Variants in IKZF2 observed in about 807,000 individuals in gnomAD.
The protein encoded by IKZF2 is zinc finger protein Helios.
A neutral mutation model predicts 49.2 loss-of-function variants in IKZF2; 15 were observed. The ratio of observed to expected loss-of-function variants is 0.30; its 90% CI spans 0.20 to 0.47. The LOEUF (loss-of-function observed/expected upper bound fraction) is 0.47. IKZF2 is among the 20% of genes least tolerant of loss of function. IKZF2 has a pLI of 1.00. For missense variants in IKZF2, 567 were observed against 664.6 expected (o/e 0.85, Z 1.61); for synonymous variants, 227 against 221.4 (o/e 1.03, Z -0.23).
In IKZF2 at chr2:213,004,876, C is replaced by A. The variant is rs1695195200; in HGVS notation, c.*2484G>T. On this transcript the variant is annotated 3_prime_UTR_variant, in exon 9 of 9. Coordinates refer to ENST00000434687, the MANE Select transcript of IKZF2 (RefSeq NM_001387220.1). ...CTAACTACCTTCAATAAAACAGATT[C>A]CCAAAAAGATGAAATCAGAAAAGGA... The A allele has an allele frequency of 6.6e-6, 1 of 152,258 alleles. No homozygotes were observed. Among genetic ancestry groups the A allele is most frequent in the Non-Finnish European group, 1.5e-5 (1 of 67,902 alleles). 9.4% of individuals were successfully genotyped at this position (152,258 alleles called of 1,614,324 possible).
intron 7 of IKZF2, among the ~76,000 whole-genome samples, chr2:213,017,230 G>A (rs538623019): frequency 8.6e-5 from 13 of 151,882 alleles, no homozygotes; most frequent in African/African-American, 2.4e-4. Context: ...GTACTTATCC[G>A]TATTGCCTTA....
At chr2:213,056,539 A>C in intron 5 of IKZF2, 2 of 495,414 alleles carry the variant, frequency 4.0e-6, no homozygotes, top group African/African-American at 1.9e-5. Context: ...CAAAAAGATT[A>C]AGTTACACAA....
At chr2:213,021,106 G>A (rs1697159031) in intron 7 of IKZF2, among the ~76,000 whole-genome samples, 1 of 152,090 alleles carries the variant, frequency 6.6e-6, no homozygotes, top group Admixed American at 6.6e-5. Flanking sequence ...CCAGTTACTT[G>A]GCAGGCTGAA....
At chr2:213,110,717 C>T (rs1164962733) in intron 4 of IKZF2, among the ~76,000 whole-genome samples, 2 of 151,914 alleles carry the variant, frequency 1.3e-5, no homozygotes, top group Non-Finnish European at 2.9e-5. Flanking sequence ...AGCATTTGTT[C>T]CAATTCACAT....
intron 6 of IKZF2, among the ~76,000 whole-genome samples, chr2:213,029,762 A>T (rs538496226): frequency 1.3e-5 from 2 of 152,206 alleles, no homozygotes; most frequent in South Asian, 4.1e-4. Flanking sequence ...AATCATTATT[A>T]AGTTGTTTGG....
At chr2:213,014,069 C>G (rs956668509) in intron 7 of IKZF2, 135 bp from the exon 8 acceptor site, 9 of 712,094 alleles carry the variant, frequency 1.3e-5, no homozygotes, top group Non-Finnish European at 1.9e-5. Context: ...AGAATACCCT[C>G]TAGTGTGAAA....
In IKZF2 at chr2:213,133,428, A is replaced by G. The variant is rs995516473; in HGVS notation, c.139+14280T>C. ...ACAGGAAAACTTGCTCAATTCTGTA[A>G]TTTTTAAAAACATGTTTACTGGCCA... On this transcript the variant is annotated intron_variant, in intron 4 of 8. Transcript: ENST00000434687. Among the ~76,000 whole-genome samples, 4 of 152,234 alleles carry G rather than the reference A, an allele frequency of 2.6e-5. No homozygotes were observed. The East Asian group carries it at 7.7e-4, about 29-fold the overall frequency.
intron 4 of IKZF2, among the ~76,000 whole-genome samples, chr2:213,127,733 CTCTT>C (rs2060314879): frequency 6.6e-6 from 1 of 152,176 alleles, no homozygotes. Context: ...TTTACATTTT[CTCTT>C]TAAGTCCTAT....
At chr2:213,070,454 G>A (rs1702576962) in intron 4 of IKZF2, among the ~76,000 whole-genome samples, 1 of 151,738 alleles carries the variant, frequency 6.6e-6, no homozygotes, top group African/African-American at 2.4e-5. Flanking sequence ...TGTGGACTTG[G>A]GAAGTCACTG....
intron 6 of IKZF2, among the ~76,000 whole-genome samples, chr2:213,023,177 A>T (rs540365803): frequency 6.6e-4 from 101 of 152,258 alleles, no homozygotes; most frequent in Middle Eastern, 3.4e-3. Context: ...CTCAGAGAAT[A>T]ACAGACAACT....
intron 4 of IKZF2, among the ~76,000 whole-genome samples, chr2:213,112,256 A>G (rs2059727171): frequency 6.6e-6 from 1 of 151,204 alleles, no homozygotes; most frequent in South Asian, 2.1e-4. Context: ...AACTTAGTAC[A>G]GATTTACTGA....
chr2:213,058,563 G>A (rs1701386343), intron 4 of IKZF2, among the ~76,000 whole-genome samples: 1 of 151,792 alleles, frequency 6.6e-6, no homozygotes, highest in African/African-American at 2.4e-5. Flanking sequence ...AAAGTGATAT[G>A]CATCCTTCCT....
intron 4 of IKZF2, among the ~76,000 whole-genome samples, chr2:213,129,255 C>T (rs1230955336): frequency 2.7e-5 from 4 of 150,006 alleles, no homozygotes; most frequent in Admixed American, 1.3e-4. Context: ...AATTCAGATA[C>T]TATTAAGTAT....
At chr2:213,031,500 T>C (rs1387825767) in intron 6 of IKZF2, among the ~76,000 whole-genome samples, 1 of 152,098 alleles carries the variant, frequency 6.6e-6, no homozygotes, top group Non-Finnish European at 1.5e-5. Flanking sequence ...GGAAGAAAAA[T>C]AGTCACAATT....
chr2:213,060,535 G>A (rs150606057), intron 4 of IKZF2, among the ~76,000 whole-genome samples: 50 of 151,324 alleles, frequency 3.3e-4, no homozygotes, highest in Non-Finnish European at 6.5e-4. Flanking sequence ...GTTCATTTGA[G>A]TAAAATGAAA....
intron 4 of IKZF2, among the ~76,000 whole-genome samples, chr2:213,086,295 C>G (rs1704589859): frequency 6.6e-6 from 1 of 152,084 alleles, no homozygotes; most frequent in African/African-American, 2.4e-5. Context: ...TCATATCCTG[C>G]AAATACCTAC....
chr2:213,143,994 G>A (rs2060960818), intron 4 of IKZF2, among the ~76,000 whole-genome samples: 1 of 151,868 alleles, frequency 6.6e-6, no homozygotes, highest in Admixed American at 6.6e-5. Flanking sequence ...TTTCTGCTAA[G>A]TTCTCTAAGA....
intron 4 of IKZF2, among the ~76,000 whole-genome samples, chr2:213,129,658 G>T (rs1448097927): frequency 1.3e-5 from 2 of 152,102 alleles, no homozygotes; most frequent in Non-Finnish European, 2.9e-5. Flanking sequence ...GAATTGTTAT[G>T]ATCTGATTTG....
At chr2:213,009,165 G>A (rs988845182) in intron 8 of IKZF2, among the ~76,000 whole-genome samples, 6 of 151,992 alleles carry the variant, frequency 3.9e-5, no homozygotes, top group African/African-American at 1.4e-4. Flanking sequence ...TTTCTTGATT[G>A]AAGCATGTTT....
Sources: allele counts gnomAD v4.1 joint callset (sites outside exome capture counted in the v4.1 genomes callset), GRCh38; gene constraint gnomAD v4.1.1; transcripts MANE v1.5; gene names NCBI Gene and HGNC (gene_info 2026-07-23, HGNC 2026-07-21).